Variants in ENOX1 observed in about 807,000 individuals in gnomAD.
ENOX1 encodes ecto-NOX disulfide-thiol exchanger 1.
In ENOX1, 42 loss-of-function variants were observed where a neutral mutation model predicts 82.5. That is an observed-to-expected ratio of 0.51 (90% CI 0.40 to 0.66). The LOEUF is 0.66. ENOX1 is among the 30% of genes least tolerant of loss of function. ENOX1 has a pLI of 0.00. For synonymous variants in ENOX1, 271 were observed against 282.2 expected (o/e 0.96, Z 0.40); for missense variants, 608 against 811.6 (o/e 0.75, Z 3.05).
chr13:43,584,566 T>C (rs1451361162), intron 2 of ENOX1, among the ~76,000 whole-genome samples: 1 of 152,178 alleles, frequency 6.6e-6, no homozygotes, highest in Non-Finnish European at 1.5e-5. Flanking sequence ...AGTACAAAAA[T>C]GCCACATTCC....
chr13:43,470,307 CA>C (rs2057959378), intron 3 of ENOX1, among the ~76,000 whole-genome samples: 1 of 42,492 alleles, frequency 2.4e-5, no homozygotes, highest in Admixed American at 2.2e-4. Flanking sequence ...CATATATATA[CA>C]TATATATACA....
intron 12 of ENOX1, among the ~76,000 whole-genome samples, chr13:43,286,702 C>A (rs78158209): frequency 6.6e-6 from 1 of 152,192 alleles, no homozygotes; most frequent in Non-Finnish European, 1.5e-5. Context: ...TGAAGCCTCT[C>A]ATAGTTAAAT....
chr13:43,770,957 G>GA (rs202062237), intron 1 of ENOX1, among the ~76,000 whole-genome samples: 48 of 146,970 alleles, frequency 3.3e-4, no homozygotes, highest in Middle Eastern at 3.5e-3. Context: ...TGTTCCAGGA[G>GA]AAAAAAAAAA....
intron 2 of ENOX1, among the ~76,000 whole-genome samples, chr13:43,608,656 G>A (rs1455957108): frequency 6.6e-6 from 1 of 152,134 alleles, no homozygotes; most frequent in Non-Finnish European, 1.5e-5. Context: ...GGGTGGATGA[G>A]GGGCTGGATA....
At chr13:43,707,390 C>G (rs547598053) in intron 1 of ENOX1, among the ~76,000 whole-genome samples, 12 of 152,210 alleles carry the variant, frequency 7.9e-5, no homozygotes, top group African/African-American at 2.9e-4. Context: ...CAGAAATTGA[C>G]AGGTGAGTCT....
intron 2 of ENOX1, among the ~76,000 whole-genome samples, chr13:43,574,056 G>C (rs2080303942): frequency 6.6e-6 from 1 of 152,180 alleles, no homozygotes; most frequent in Non-Finnish European, 1.5e-5. Context: ...AATGAGGTTA[G>C]TGACAGGGAT....
intron 1 of ENOX1, among the ~76,000 whole-genome samples, chr13:43,683,912 T>A (rs1233946776): frequency 1.3e-5 from 2 of 151,964 alleles, no homozygotes; most frequent in African/African-American, 4.8e-5. Flanking sequence ...GGAAGAGAAC[T>A]CATATTCTGC....
In ENOX1 at chr13:43,463,832, G is replaced by T. The variant is rs116787185; in HGVS notation, c.-75+20177C>A. Reference sequence around the variant, plus strand: ...ACAACTAGATTCAAATAAATTAGAAGACTACAAAAAAGAAAATAATCCAAT... The same window carrying T: ...ACAACTAGATTCAAATAAATTAGAATACTACAAAAAAGAAAATAATCCAAT... On this transcript the variant is annotated intron_variant, in intron 3 of 16. Coordinates refer to ENST00000690772, the MANE Select transcript of ENOX1 (RefSeq NM_001347969.2). Among the ~76,000 whole-genome samples, 436 of 152,120 alleles carry T rather than the reference G, an allele frequency of 2.9e-3. 1 individual carries two copies. The highest frequency in any genetic ancestry group is 0.01 in the African/African-American group (420 of 41,512).
In ENOX1 at chr13:43,727,147, C is replaced by G. The variant is rs145099908; in HGVS notation, c.-285+59505G>C. On this transcript the variant is annotated intron_variant, in intron 1 of 16. Transcript: ENST00000690772. ...TCCAGCTCTTTCACGGGGCACTTCTCACCATCTCAGACTCCAGAGCAAAGG... is the reference window on the plus strand; with the variant it reads ...TCCAGCTCTTTCACGGGGCACTTCTGACCATCTCAGACTCCAGAGCAAAGG... Among the ~76,000 whole-genome samples, 695 of 152,282 alleles carry G rather than the reference C, an allele frequency of 4.6e-3. 2 individuals are homozygous for G. Among genetic ancestry groups the G allele is most frequent in the Middle Eastern group, 0.01 (3 of 294 alleles).
At chr13:43,634,453 A>T (rs1008695850) in intron 2 of ENOX1, among the ~76,000 whole-genome samples, 3 of 152,188 alleles carry the variant, frequency 2.0e-5, no homozygotes, top group Admixed American at 1.3e-4. Context: ...CTACTAAACA[A>T]GGATAGTAAA....
chr13:43,218,043 T>C (rs2041582259), intron 16 of ENOX1, among the ~76,000 whole-genome samples: 1 of 152,198 alleles, frequency 6.6e-6, no homozygotes, highest in East Asian at 1.9e-4. Context: ...TTACAGATGG[T>C]GGAACTTAGG....
chr13:43,532,408 G>A (rs2078269679), intron 2 of ENOX1, among the ~76,000 whole-genome samples: 1 of 152,086 alleles, frequency 6.6e-6, no homozygotes, highest in Non-Finnish European at 1.5e-5. Flanking sequence ...GTCCCTGATA[G>A]ATCCTTTTTT....
intron 5 of ENOX1, among the ~76,000 whole-genome samples, chr13:43,379,055 A>G (rs2051843878): frequency 1.3e-5 from 2 of 152,096 alleles, no homozygotes; most frequent in African/African-American, 4.8e-5. Context: ...CAATGAGCCA[A>G]AAAACATAGG....
chr13:43,556,795 A>T (rs925077557), intron 2 of ENOX1, among the ~76,000 whole-genome samples: 2 of 152,202 alleles, frequency 1.3e-5, no homozygotes, highest in Admixed American at 1.3e-4. Context: ...GTTAGCTAAC[A>T]TTAGAAGATG....
chr13:43,502,642 T>C, intron 2 of ENOX1, among the ~76,000 whole-genome samples: 1 of 151,624 alleles, frequency 6.6e-6, no homozygotes, highest in East Asian at 1.9e-4. Flanking sequence ...GAAAAGCACT[T>C]TATAAAATTA....
At chr13:43,593,474 C>T (rs2081327698) in intron 2 of ENOX1, among the ~76,000 whole-genome samples, 1 of 7,746 alleles carries the variant, frequency 1.3e-4, no homozygotes, top group Admixed American at 2.7e-3. Flanking sequence ...ACCCTTAAAA[C>T]AAAACAAAAC....
chr13:43,724,099 A>G (rs1290116365), intron 1 of ENOX1, among the ~76,000 whole-genome samples: 1 of 152,234 alleles, frequency 6.6e-6, no homozygotes, highest in African/African-American at 2.4e-5. Context: ...TAGGTCTTTT[A>G]AATAATGTTG....
rs2057409107 is a variant in ENOX1, at chr13:43,460,271, C to T, written c.-75+23738G>A. ...TGTGAGAACCTATTGCAATGTTTTC[C>T]CTTTTTCTCTTGATATGTCTCTTTC... On this transcript the variant is annotated intron_variant, in intron 3 of 16. Coordinates refer to ENST00000690772, the MANE Select transcript of ENOX1 (RefSeq NM_001347969.2). Among the ~76,000 whole-genome samples the T allele has an allele frequency of 2.0e-5, 3 of 152,096 alleles. No homozygotes were observed. In the South Asian group the frequency reaches 6.2e-4, roughly 32 times the overall value.
intron 2 of ENOX1, among the ~76,000 whole-genome samples, chr13:43,527,773 A>G (rs1380554541): frequency 1.3e-5 from 2 of 152,142 alleles, no homozygotes; most frequent in East Asian, 1.9e-4. Flanking sequence ...TATTATTTGT[A>G]TGATTAAAAC....
Sources: allele counts gnomAD v4.1 joint callset (sites outside exome capture counted in the v4.1 genomes callset), GRCh38; gene constraint gnomAD v4.1.1; transcripts MANE v1.5; gene names NCBI Gene and HGNC (gene_info 2026-07-23, HGNC 2026-07-21).